Variants in TIAM1 observed in about 807,000 individuals in gnomAD.
TIAM1 encodes TIAM Rac1 associated GEF 1.
A neutral mutation model predicts 163.5 loss-of-function variants in TIAM1; 65 were observed. That is an observed-to-expected ratio of 0.40 (90% CI 0.33 to 0.49). TIAM1 has a LOEUF of 0.49. Among genes scored for constraint, TIAM1 ranks in the 20% least tolerant of loss-of-function variants. The pLI, the probability that TIAM1 is intolerant of heterozygous loss-of-function variation, is 0.77. For missense variants in TIAM1, 1,789 were observed against 2,044.7 expected (o/e 0.87, Z 2.41); for synonymous variants, 833 against 810.1 (o/e 1.03, Z -0.48).
At chr21:31,275,218 C>T (rs943689635) in intron 3 of TIAM1, among the ~76,000 whole-genome samples, 6 of 151,788 alleles carry the variant, frequency 4.0e-5, no homozygotes, top group Admixed American at 3.3e-4. Flanking sequence ...GCAATTATTC[C>T]GGATGGATTG....
At chr21:31,400,198 G>A (rs1447493516) in intron 2 of TIAM1, among the ~76,000 whole-genome samples, 2 of 151,774 alleles carry the variant, frequency 1.3e-5, no homozygotes, top group African/African-American at 4.8e-5. Flanking sequence ...CGTGATCTTG[G>A]CTCACTGCAA....
intron 2 of TIAM1, among the ~76,000 whole-genome samples, chr21:31,377,332 C>A (rs941311777): frequency 2.0e-5 from 3 of 152,050 alleles, no homozygotes; most frequent in African/African-American, 7.2e-5. Flanking sequence ...CTTACTGCTT[C>A]TTCCTCCGGG....
chr21:31,377,103 T>C (rs2076700918), intron 2 of TIAM1, among the ~76,000 whole-genome samples: 1 of 139,194 alleles, frequency 7.2e-6, no homozygotes, highest in Non-Finnish European at 1.5e-5. Flanking sequence ...GGTCTTGAAC[T>C]CCTGACCTCA....
At chr21:31,246,082 T>C (rs970676614) in intron 5 of TIAM1, among the ~76,000 whole-genome samples, 4 of 152,194 alleles carry the variant, frequency 2.6e-5, no homozygotes, top group Non-Finnish European at 4.4e-5. Context: ...TCTCGTATGA[T>C]ATGCAACCAG....
intron 2 of TIAM1, among the ~76,000 whole-genome samples, chr21:31,349,762 T>C (rs368664254): frequency 3.3e-5 from 5 of 152,172 alleles, no homozygotes; most frequent in South Asian, 4.2e-4. Context: ...GAAGCAAGGA[T>C]ACAAAATGAG....
At chr21:31,288,024 G>A (rs1049998667) in intron 2 of TIAM1, among the ~76,000 whole-genome samples, 1 of 152,094 alleles carries the variant, frequency 6.6e-6, no homozygotes, top group Non-Finnish European at 1.5e-5. Flanking sequence ...GAAGAACAAG[G>A]AGGCATAGAC....
rs58230083 is a variant in TIAM1, at chr21:31,546,556, A to AAAAGAAAGAAAGAAAG, written c.-422+12355_-422+12370dup. Among the ~76,000 whole-genome samples, 66 of 143,372 alleles carry AAAAGAAAGAAAGAAAG rather than the reference A, an allele frequency of 4.6e-4. 2 individuals carry two copies. The highest frequency in any genetic ancestry group is 3.6e-3 in the South Asian group (14 of 3,894). The allele number at this position is 143,372 out of a possible 152,430, so 94.1% of individuals were successfully genotyped here. On this transcript the variant is annotated intron_variant, in intron 1 of 28. Transcript: ENST00000286827. ...CAGAGCAAGACTCCATCTCAAAAAAAAAAGAAAGAAAGAAAGAAAGAAAGA... is the reference window on the plus strand; with the variant it reads ...CAGAGCAAGACTCCATCTCAAAAAAAAAAGAAAGAAAGAAAGAAAGAAAGAAAGAAAGAAAGAAAGA...
chr21:31,310,283 G>A (rs971621149), intron 2 of TIAM1, among the ~76,000 whole-genome samples: 3 of 152,178 alleles, frequency 2.0e-5, no homozygotes, highest in African/African-American at 7.2e-5. Context: ...GAGAAGCCAG[G>A]TGAGGATTCT....
intron 1 of TIAM1, among the ~76,000 whole-genome samples, chr21:31,531,769 A>G (rs781767139): frequency 2.6e-5 from 4 of 151,862 alleles, no homozygotes; most frequent in Non-Finnish European, 5.9e-5. Flanking sequence ...TTAAAAAAAA[A>G]AAAAAGATGC....
chr21:31,416,050 C>G (rs974583342), intron 2 of TIAM1, among the ~76,000 whole-genome samples: 1 of 152,188 alleles, frequency 6.6e-6, no homozygotes, highest in Non-Finnish European at 1.5e-5. Flanking sequence ...GTGGCTTTAA[C>G]TTTCTGTTAG....
Position 31,489,090 on chromosome 21 carries a change from C to A in TIAM1, c.-421-25055G>T, listed in dbSNP as rs546007594. Among the ~76,000 whole-genome samples the A allele has an allele frequency of 1.4e-3, 205 of 151,486 alleles. 1 individual carries two copies. Among genetic ancestry groups the A allele is most frequent in the African/African-American group, 4.7e-3 (192 of 41,260 alleles). On this transcript the variant is annotated intron_variant, in intron 1 of 28. Coordinates refer to the TIAM1 transcript ENST00000286827. The stretch of plus-strand genomic sequence containing the variant: ...AAACGGTAACAATAATAACTGTGGG[C>A]CGGGTGCAGTAGCTCACGCCTGCAA...
chr21:31,148,406 T>C (rs969069258), intron 19 of TIAM1, among the ~76,000 whole-genome samples: 7 of 152,180 alleles, frequency 4.6e-5, no homozygotes, highest in African/African-American at 1.4e-4. Context: ...CCTGCCGCCA[T>C]GTAAGATGTG....
intron 2 of TIAM1, among the ~76,000 whole-genome samples, chr21:31,447,277 T>A (rs13050279): frequency 0.05 from 7,571 of 151,566 alleles, 225 homozygotes; most frequent in Middle Eastern, 0.068. Flanking sequence ...GGGAAAAAAA[T>A]TTTTTTTTAA....
At chr21:31,332,604 C>CT (rs376901132) in intron 2 of TIAM1, among the ~76,000 whole-genome samples, 204 of 146,038 alleles carry the variant, frequency 1.4e-3, no homozygotes, top group East Asian at 6.0e-3. Context: ...CTCAAAAAAA[C>CT]TTTTTTTTTT....
At chr21:31,229,412 A>G (rs987182297) in intron 6 of TIAM1, among the ~76,000 whole-genome samples, 1 of 152,178 alleles carries the variant, frequency 6.6e-6, no homozygotes, top group Non-Finnish European at 1.5e-5. Context: ...TTTTTCTATA[A>G]CTATGCTAAA....
chr21:31,223,110 C>T (rs184879602), intron 8 of TIAM1, among the ~76,000 whole-genome samples: 10 of 152,174 alleles, frequency 6.6e-5, no homozygotes, highest in African/African-American at 1.7e-4. Context: ...AAACATGACA[C>T]TGTCTAAAGA....
In TIAM1 at chr21:31,213,434, T is replaced by C. The variant is rs1304755312; in HGVS notation, c.2181A>G (p.Leu727=). 1.2e-6 allele frequency: 2 copies of C among 1,612,716 alleles called. No homozygotes were observed. The highest frequency in any genetic ancestry group is 2.2e-5 in the East Asian group (1 of 44,868). The stretch of plus-strand genomic sequence containing the variant: ...GAACAATGTCATCAAATATTCCCTC[T>C]AAAGATTTCTTTACAGCTTCGGTTC... The part of the protein sequence containing the change: ...GEGTEAVKKS[L]EGIFDDIVPD... Residue 727 remains leucine (L), a synonymous_variant, in exon 10 of 28, where the codon TTA becomes TTG. Transcript: ENST00000541036.
intron 20 of TIAM1, among the ~76,000 whole-genome samples, chr21:31,146,378 CAA>C (rs1399968513): frequency 8.1e-6 from 1 of 123,346 alleles, no homozygotes; most frequent in African/African-American, 3.1e-5. Context: ...GGTTCCAGCC[CAA>C]GTGACAGAGC....
intron 2 of TIAM1, among the ~76,000 whole-genome samples, chr21:31,315,679 C>CAAAAAAAAAAAAAAAAAAAAAAAA (rs58560437): frequency 1.1e-4 from 9 of 80,242 alleles, no homozygotes; most frequent in South Asian, 4.2e-4. Flanking sequence ...AACTCCATCT[C>CAAAAAAAAAAAAAAAAAAAAAAAA]AAAAAAAAAA....
Sources: allele counts gnomAD v4.1 joint callset (sites outside exome capture counted in the v4.1 genomes callset), GRCh38; gene constraint gnomAD v4.1.1; transcripts MANE v1.5; gene names NCBI Gene and HGNC (gene_info 2026-07-23, HGNC 2026-07-21).